WDR4: variants seen among roughly 807,000 people sequenced by gnomAD.
WDR4 encodes tRNA (guanine-N(7)-)-methyltransferase non-catalytic subunit WDR4.
Under a neutral mutation model 48.6 loss-of-function variants are expected in WDR4, and 47 were observed. That is an observed-to-expected ratio of 0.97 (90% CI 0.77 to 1.23). WDR4 has a LOEUF of 1.23. Among genes scored for constraint, WDR4 ranks in the 50% most tolerant of loss-of-function variants. WDR4 has a pLI of 0.00. For missense variants in WDR4, 606 were observed against 551.6 expected (o/e 1.10, Z -0.99); for synonymous variants, 268 against 230.0 (o/e 1.17, Z -1.49).
chr21:42,854,669 G>A, intron 7 of WDR4, 43 bp from the exon 8 acceptor site: 2 of 1,596,498 alleles, frequency 1.3e-6, no homozygotes, highest in Non-Finnish European at 1.7e-6. Flanking sequence ...CACCTGCAGG[G>A]GCCCGACGCC....
In WDR4 at chr21:42,876,931, G is replaced by A. The variant is rs12626259; in HGVS notation, c.90-164C>T. On this transcript the variant is annotated intron_variant, in intron 1 of 10. Coordinates refer to ENST00000398208, the MANE Select transcript of WDR4 (RefSeq NM_018669.6). ...CCTCCCAGGTTCAAACGATTCTCCTGCCTCAGCCTCCCCAGTAGCTGAGAT... is the reference window on the plus strand; with the variant it reads ...CCTCCCAGGTTCAAACGATTCTCCTACCTCAGCCTCCCCAGTAGCTGAGAT... 0.6 allele frequency among the ~76,000 whole-genome samples: 91,160 copies of A among 151,592 alleles called. 28,163 individuals are homozygous for A. The highest frequency in any genetic ancestry group is 0.72 in the African/African-American group (29,531 of 41,276).
upstream of WDR4, among the ~76,000 whole-genome samples, chr21:42,883,287 A>G (rs950608271): frequency 7.4e-5 from 11 of 149,146 alleles, no homozygotes; most frequent in African/African-American, 1.8e-4. Context: ...AAAAAAAAAA[A>G]AAAAGAAAAA....
intron 7 of WDR4, 147 bp from the exon 8 acceptor site, chr21:42,854,773 TG>T: frequency 1.4e-6 from 1 of 734,790 alleles, no homozygotes; most frequent in Non-Finnish European, 2.2e-6. Flanking sequence ...CTGGAATCAG[TG>T]GGGAAAGGAG....
At chr21:42,859,199 G>A (rs558410870) in intron 6 of WDR4, among the ~76,000 whole-genome samples, 1 of 151,794 alleles carries the variant, frequency 6.6e-6, no homozygotes, top group South Asian at 2.1e-4. Flanking sequence ...GATCGCTTGA[G>A]CCCAGGAGTT....
upstream of WDR4, among the ~76,000 whole-genome samples, chr21:42,883,115 A>AC (rs2058619225): frequency 2.0e-5 from 3 of 150,476 alleles, no homozygotes; most frequent in South Asian, 6.4e-4. Context: ...AAAAAAAAAA[A>AC]AATAGAAAAA....
Position 42,855,724 on chromosome 21 carries a change from G to A in WDR4, c.684C>T (p.His228=), listed in dbSNP as rs1161160603. Residue 228 remains histidine (H), a synonymous_variant, in exon 7 of 11, where the codon CAC becomes CAT. Transcript: ENST00000398208. ...YRSGRQLHCC[H]LASLQELVDP... is the part of the protein sequence containing the mutation. ...CCACCAGCTCCTGCAGACTGGCCAG[G>A]TGACAGCAGTGCAGCTGGCGGCCGC... 2 of 1,555,168 alleles carry A rather than the reference G, an allele frequency of 1.3e-6. No individual in the cohort carries two copies. The highest frequency in any genetic ancestry group is 1.2e-5 in the South Asian group (1 of 84,322).
At chr21:42,888,217 G>A in the WDR4 span, among the ~76,000 whole-genome samples, 46 of 152,228 alleles carry the variant, frequency 3.0e-4, no homozygotes, top group African/African-American at 1.1e-3. Context: ...TCAACTGAGC[G>A]AACATAGATA....
chr21:42,847,812 G>A (rs2057724218), downstream of WDR4, among the ~76,000 whole-genome samples: 3 of 151,426 alleles, frequency 2.0e-5, no homozygotes, highest in South Asian at 2.1e-4. Flanking sequence ...AGGATGCAGC[G>A]CATGGGCCTG....
At chr21:42,854,683 C>A in intron 7 of WDR4, 57 bp from the exon 8 acceptor site, 1 of 1,556,132 alleles carries the variant, frequency 6.4e-7, no homozygotes, top group Admixed American at 1.9e-5. Flanking sequence ...CGACGCCGGG[C>A]GCTCTGATCC....
chr21:42,881,196 G>A (rs1569342447), upstream of WDR4, among the ~76,000 whole-genome samples: 1 of 152,138 alleles, frequency 6.6e-6, no homozygotes, highest in Non-Finnish European at 1.5e-5. Flanking sequence ...GTGAGCCACC[G>A]CGCCCAGCCA....
At chr21:42,861,693 G>A (rs1299649886) in intron 5 of WDR4, among the ~76,000 whole-genome samples, 1 of 152,188 alleles carries the variant, frequency 6.6e-6, no homozygotes, top group Non-Finnish European at 1.5e-5. Flanking sequence ...GGCAACCTCG[G>A]CACTGAATTT....
intron 7 of WDR4, among the ~76,000 whole-genome samples, chr21:42,854,875 A>G (rs1397146575): frequency 6.6e-6 from 1 of 152,194 alleles, no homozygotes; most frequent in African/African-American, 2.4e-5. Context: ...CTCCAAAGCC[A>G]ACAAGATAGG....
At chr21:42,870,952 C>A (rs1280926613) in intron 3 of WDR4, among the ~76,000 whole-genome samples, 4 of 152,206 alleles carry the variant, frequency 2.6e-5, no homozygotes, top group African/African-American at 9.7e-5. Flanking sequence ...ACTGAATCCT[C>A]CAAACCACAA....
rs142004174 is a variant in WDR4, at chr21:42,853,432, G to A, written c.975+137C>T. ...GGAAGCCCCAGCCACTGCCATTCAG[G>A]ACACAGACCCTGGGCCCCAGAAGTG... On this transcript the variant is annotated intron_variant, in intron 9 of 10. Transcript: ENST00000398208. The A allele has an allele frequency of 3.9e-4, 412 of 1,051,886 alleles. 1 individual carries two copies. Among genetic ancestry groups the A allele is most frequent in the Admixed American group, 7.9e-4 (28 of 35,252 alleles). The allele number at this position is 1,051,886 out of a possible 1,614,324, so 65.2% of individuals were successfully genotyped here. A position where few individuals can be genotyped will look rare whatever the true frequency, so the allele number is the denominator to read the frequency against.
chr21:42,867,392 C>CAAAAA lies in WDR4; in HGVS notation c.297-3797_297-3796insTTTTT, dbSNP rs1569329587. 9.2e-5 allele frequency among the ~76,000 whole-genome samples: 6 copies of CAAAAA among 64,930 alleles called. 3 individuals are homozygous for CAAAAA. The highest frequency in any genetic ancestry group is 1.3e-4 in the Non-Finnish European group (4 of 30,918). 42.6% of individuals were successfully genotyped at this position (64,930 alleles called of 152,430 possible). The stretch of plus-strand genomic sequence containing the variant: ...GGTGACAAAGAGACACTCCGCTCCA[C>CAAAAA]CAAAAAAAAAAAAAAAAAAAAGTGA... On this transcript the variant is annotated intron_variant, in intron 3 of 10. Coordinates refer to ENST00000398208, the MANE Select transcript of WDR4 (RefSeq NM_018669.6).
At chr21:42,878,412 T>A (rs939220377) in intron 1 of WDR4, among the ~76,000 whole-genome samples, 1 of 152,196 alleles carries the variant, frequency 6.6e-6, no homozygotes, top group African/African-American at 2.4e-5. Context: ...GTCTAATATA[T>A]CCACAGCTCA....
chr21:42,880,225 T>C (rs2058596510), upstream of WDR4, among the ~76,000 whole-genome samples: 1 of 152,022 alleles, frequency 6.6e-6, no homozygotes, highest in South Asian at 2.1e-4. Flanking sequence ...ACTGAATCTT[T>C]GCACTTAGAC....
At chr21:42,863,269 C>T (rs1234735922) in intron 4 of WDR4, among the ~76,000 whole-genome samples, 171 bp downstream of exon 4, 2 of 152,228 alleles carry the variant, frequency 1.3e-5, no homozygotes, top group Non-Finnish European at 2.9e-5. Flanking sequence ...GACGTTGATT[C>T]AGCCTGTACC....
chr21:42,859,609 C>A, intron 6 of WDR4, 53 bp downstream of exon 6: 5 of 739,422 alleles, frequency 6.8e-6, no homozygotes, highest in South Asian at 3.3e-5. Context: ...CCACCCCACC[C>A]TCCCTGCAGG....
Sources: allele counts gnomAD v4.1 joint callset (sites outside exome capture counted in the v4.1 genomes callset), GRCh38; gene constraint gnomAD v4.1.1; transcripts MANE v1.5; gene names NCBI Gene and HGNC (gene_info 2026-07-23, HGNC 2026-07-21).